The following UNC13C variants were observed in gnomAD, a reference collection of about 807,000 sequenced individuals.
UNC13C encodes protein unc-13 homolog C.
UNC13C carries 174 observed loss-of-function variants against 245.4 expected under a neutral mutation model. The ratio of observed to expected loss-of-function variants is 0.71; its 90% CI spans 0.63 to 0.80. UNC13C has a LOEUF of 0.80. Among genes scored for constraint, UNC13C ranks in the 30% least tolerant of loss-of-function variants. UNC13C has a pLI of 0.00. For missense variants in UNC13C, 2,829 were observed against 2,602.9 expected (o/e 1.09, Z -1.89); for synonymous variants, 992 against 895.1 (o/e 1.11, Z -1.93).
intron 19 of UNC13C, among the ~76,000 whole-genome samples, chr15:54,435,579 G>T (rs1006207635): frequency 2.6e-5 from 4 of 151,582 alleles, no homozygotes; most frequent in African/African-American, 9.7e-5. Context: ...TCCTCTCGGT[G>T]GGTGGGGGTG....
At chr15:54,478,243 A>G (rs1368018907) in intron 19 of UNC13C, among the ~76,000 whole-genome samples, 8 of 147,232 alleles carry the variant, frequency 5.4e-5, no homozygotes, top group Admixed American at 5.4e-4. Flanking sequence ...AATTTTGTTG[A>G]TCCTTTCAAA....
chr15:54,026,063 A>G (rs1305556309), intron 2 of UNC13C, among the ~76,000 whole-genome samples: 4 of 152,050 alleles, frequency 2.6e-5, no homozygotes, highest in African/African-American at 9.7e-5. Context: ...CTATACACAT[A>G]CATAAAATGA....
intron 2 of UNC13C, among the ~76,000 whole-genome samples, chr15:54,085,056 A>G (rs1470960751): frequency 6.6e-6 from 1 of 152,168 alleles, no homozygotes; most frequent in Non-Finnish European, 1.5e-5. Flanking sequence ...TATGATAAGA[A>G]GACTTCTGAA....
At chr15:53,889,486 T>C in the UNC13C span, among the ~76,000 whole-genome samples, 9 of 152,220 alleles carry the variant, frequency 5.9e-5, no homozygotes, top group Non-Finnish European at 1.0e-4. Flanking sequence ...TATACAATCA[T>C]GTCATCTGCA....
At chr15:53,852,584 A>G in the UNC13C span, among the ~76,000 whole-genome samples, 1 of 152,048 alleles carries the variant, frequency 6.6e-6, no homozygotes, top group Non-Finnish European at 1.5e-5. Context: ...CCTCTCTGAA[A>G]TCTGAGCTCT....
intron 6 of UNC13C, among the ~76,000 whole-genome samples, chr15:54,237,268 G>A (rs1294624378): frequency 1.3e-5 from 2 of 152,156 alleles, no homozygotes; most frequent in Non-Finnish European, 2.9e-5. Flanking sequence ...TATTCTGAAT[G>A]AATATATCAC....
the UNC13C span, among the ~76,000 whole-genome samples, chr15:53,872,978 G>A: frequency 6.6e-6 from 1 of 152,134 alleles, no homozygotes; most frequent in Non-Finnish European, 1.5e-5. Flanking sequence ...AGAGCATCCA[G>A]AGCAATTTTA....
At chr15:54,545,411 C>G (rs1340053752) in intron 26 of UNC13C, among the ~76,000 whole-genome samples, 2 of 152,080 alleles carry the variant, frequency 1.3e-5, no homozygotes, top group African/African-American at 2.4e-5. Context: ...GACTAAAACA[C>G]CAAAACCAAT....
chr15:54,382,605 A>G (rs552897980), intron 17 of UNC13C, among the ~76,000 whole-genome samples: 1 of 152,172 alleles, frequency 6.6e-6, no homozygotes, highest in African/African-American at 2.4e-5. Flanking sequence ...ACAATGAAAA[A>G]AAAAACTCAG....
At chr15:54,363,751 A>G (rs12440049) in intron 17 of UNC13C, among the ~76,000 whole-genome samples, 71,452 of 151,982 alleles carry the variant, frequency 0.47, 17,167 homozygotes, top group East Asian at 0.74. Context: ...AAATTTCCTG[A>G]TTTTCTCTTG....
At chr15:54,246,983 T>G (rs2036009525) in intron 7 of UNC13C, among the ~76,000 whole-genome samples, 1 of 152,196 alleles carries the variant, frequency 6.6e-6, no homozygotes, top group Non-Finnish European at 1.5e-5. Flanking sequence ...TGTCCTTGGG[T>G]CCTAATTCTA....
chr15:54,492,782 A>G (rs1893777923), intron 19 of UNC13C, among the ~76,000 whole-genome samples: 1 of 151,928 alleles, frequency 6.6e-6, no homozygotes, highest in Admixed American at 6.6e-5. Context: ...TTCTCCCCAC[A>G]CTCCAAAGCA....
chr15:54,450,386 C>A (rs148455463), intron 19 of UNC13C, among the ~76,000 whole-genome samples: 5 of 152,206 alleles, frequency 3.3e-5, no homozygotes, highest in Non-Finnish European at 7.3e-5. Flanking sequence ...CTACAGAGGC[C>A]GGCAGGCCTC....
intron 4 of UNC13C, among the ~76,000 whole-genome samples, chr15:54,149,066 A>T (rs1173875949): frequency 6.6e-6 from 1 of 152,032 alleles, no homozygotes; most frequent in Non-Finnish European, 1.5e-5. Flanking sequence ...AGTTCTCATG[A>T]GATCCGAGGC....
In UNC13C at chr15:54,573,069, T is replaced by A. The variant is rs1596594804; in HGVS notation, c.6106+5122T>A. Among the ~76,000 whole-genome samples, 4 of 152,180 alleles carry A rather than the reference T, an allele frequency of 2.6e-5. No individual in the cohort carries two copies. In the East Asian group the frequency reaches 7.7e-4, roughly 29 times the overall value. ...CTATTTTCAGGCTTTAAGACATACT[T>A]CCCTTTAAAAATATGTTTAATTGAA... is the stretch of plus-strand genomic sequence containing the variant. On this transcript the variant is annotated intron_variant, in intron 30 of 32. Transcript: ENST00000260323.
At chr15:53,849,086 A>G in the UNC13C span, among the ~76,000 whole-genome samples, 6 of 151,534 alleles carry the variant, frequency 4.0e-5, no homozygotes, top group African/African-American at 1.4e-4. Flanking sequence ...AAGTGAATTT[A>G]TATATGTATT....
At chr15:54,049,469 C>G (rs1427878088) in intron 2 of UNC13C, 1 of 411,110 alleles carries the variant, frequency 2.4e-6, no homozygotes, top group African/African-American at 2.1e-5. Flanking sequence ...ATTGAAACAA[C>G]TAAGTGTGCA....
intron 13 of UNC13C, among the ~76,000 whole-genome samples, chr15:54,302,529 A>G (rs1390869626): frequency 6.6e-6 from 1 of 152,128 alleles, no homozygotes; most frequent in Non-Finnish European, 1.5e-5. Flanking sequence ...TTTTCCCAAC[A>G]CCATTTATTA....
intron 29 of UNC13C, among the ~76,000 whole-genome samples, chr15:54,560,961 C>G (rs1209763501): frequency 6.6e-6 from 1 of 152,036 alleles, no homozygotes; most frequent in African/African-American, 2.4e-5. Flanking sequence ...GGAGGCTTCT[C>G]TTTCTACTCT....
Sources: allele counts gnomAD v4.1 joint callset (sites outside exome capture counted in the v4.1 genomes callset), GRCh38; gene constraint gnomAD v4.1.1; transcripts MANE v1.5; gene names NCBI Gene and HGNC (gene_info 2026-07-23, HGNC 2026-07-21).